The following NAV2 variants were observed in gnomAD, a reference collection of about 807,000 sequenced individuals.
NAV2 encodes the protein neuron navigator 2, also known as helicase, APC down-regulated 1.
In NAV2, 54 loss-of-function variants were observed where a neutral mutation model predicts 223.2. The observed-to-expected ratio is 0.24, with a 90% CI of 0.19 to 0.30. The LOEUF (loss-of-function observed/expected upper bound fraction) is 0.30. NAV2 is among the 10% of genes least tolerant of loss of function. NAV2 has a pLI of 1.00. For synonymous variants in NAV2, 1,279 were observed against 1,239.3 expected, an observed-to-expected ratio of 1.03 and a Z score of -0.67; for missense variants, 2,806 against 3,147.5, an observed-to-expected ratio of 0.89 and a Z score of 2.60.
chr11:19,868,698 A>G (rs1314432930), intron 3 of NAV2, among the ~76,000 whole-genome samples: 1 of 152,060 alleles, frequency 6.6e-6, no homozygotes, highest in Non-Finnish European at 1.5e-5. Context: ...CACCCTGGTT[A>G]TTTTTGGCGG....
At chr11:20,045,711 CAGGGAATGGATTT>C in intron 14 of NAV2, 41 bp downstream of exon 14, 2 of 1,483,602 alleles carry the variant, frequency 1.3e-6, no homozygotes, top group Non-Finnish European at 1.9e-6. Flanking sequence ...AACCAGAATA[CAGGGAATGGATTT>C]AGTAATTTCC....
chr11:19,932,027 A>G (rs1485853505), intron 6 of NAV2, among the ~76,000 whole-genome samples: 1 of 152,014 alleles, frequency 6.6e-6, no homozygotes, highest in Non-Finnish European at 1.5e-5. Flanking sequence ...TTTCTGTCAC[A>G]TTGGCCACCT....
At chr11:19,667,166 C>T (rs1000639252) in intron 1 of NAV2, among the ~76,000 whole-genome samples, 14 of 152,222 alleles carry the variant, frequency 9.2e-5, no homozygotes, top group Non-Finnish European at 1.8e-4. Context: ...GAGCCAGGGC[C>T]TTGCACAGAG....
rs576009311 is a variant in NAV2 at position 19,991,489 on chromosome 11, G to A, written c.2768+7242G>A. Among the ~76,000 whole-genome samples, 25 of 152,180 alleles carry A rather than the reference G, an allele frequency of 1.6e-4. No individual in the cohort carries two copies. In the East Asian group the frequency reaches 4.2e-3, roughly 26 times the overall value. On this transcript the variant is annotated intron_variant, in intron 11 of 37. Transcript: ENST00000349880. ...CTTAGGACAATCTAGGCTCTACCTCGTTGCAACTCACTTTTCTTTATATTT... is the reference window on the plus strand; with the variant it reads ...CTTAGGACAATCTAGGCTCTACCTCATTGCAACTCACTTTTCTTTATATTT...
At chr11:19,701,316 G>T (rs919222022) in intron 1 of NAV2, among the ~76,000 whole-genome samples, 4 of 152,172 alleles carry the variant, frequency 2.6e-5, no homozygotes, top group Non-Finnish European at 4.4e-5. Context: ...CATGGGAGGG[G>T]ATTCTAGAAG....
At chr11:19,741,685 G>GTATATATA (rs751946530) in intron 1 of NAV2, among the ~76,000 whole-genome samples, 1 of 131,858 alleles carries the variant, frequency 7.6e-6, no homozygotes, top group African/African-American at 3.2e-5. Context: ...ATGTGTGTGT[G>GTATATATA]TGTATATATA....
At position 19,713,875 on chromosome 11, in the gene NAV2, G is replaced by A. The variant is rs1425595409; in HGVS notation, c.180G>A (p.Ser60=). The stretch of plus-strand genomic sequence containing the variant: ...ATCCTAGCCAGATCCCCCTGAAATC[G>A]CAGGTGCTGCAGGGGCTGCAGGAGC... ...TTYPSQIPLK[S]QVLQGLQEPA... The change falls in exon 1 of 38, where the codon TCG becomes TCA. Residue 60 remains serine, a synonymous_variant. Transcript: ENST00000349880. The surrounding 1 kb of genome is among the most constrained non-coding windows in gnomAD (Gnocchi z 7.2). 4 of 1,613,658 alleles carry A rather than the reference G, an allele frequency of 2.5e-6. No homozygotes were observed. The highest frequency in any genetic ancestry group is 1.1e-5 in the South Asian group (1 of 91,074).
chr11:19,522,839 A>G (rs2043709099), intron 1 of NAV2, among the ~76,000 whole-genome samples: 1 of 152,218 alleles, frequency 6.6e-6, no homozygotes, highest in Non-Finnish European at 1.5e-5. Context: ...TGTCAACAGA[A>G]TCCTGATGGC....
intron 1 of NAV2, among the ~76,000 whole-genome samples, chr11:19,784,412 AAAAAG>A (rs1489893983): frequency 1.3e-5 from 2 of 149,588 alleles, no homozygotes; most frequent in East Asian, 3.9e-4. Context: ...AAAAAAAAAA[AAAAAG>A]AGGGGCTTTA....
chr11:19,615,426 C>A lies in NAV2; in HGVS notation c.76-217058C>A, dbSNP rs576641007. On this transcript the variant is annotated intron_variant, in intron 1 of 37. Transcript: ENST00000360655. ...AAGCCAAGTAAGTTATACGTAATGT[C>A]TTAGGCAATGTCTAACAGAGTGCCT... is the stretch of plus-strand genomic sequence containing the variant. 2.0e-5 allele frequency among the ~76,000 whole-genome samples: 3 copies of A among 152,064 alleles called. No homozygotes were observed. In the East Asian group the frequency reaches 5.8e-4, roughly 30 times the overall value.
intron 22 of NAV2, 70 bp downstream of exon 22, chr11:20,068,468 TC>T: frequency 1.7e-6 from 2 of 1,143,070 alleles, no homozygotes; most frequent in Non-Finnish European, 2.7e-6. Flanking sequence ...CAGCCTCAAG[TC>T]CTCCTGTGCT....
intron 1 of NAV2, among the ~76,000 whole-genome samples, chr11:19,543,689 C>T (rs1345009017): frequency 6.6e-6 from 1 of 152,224 alleles, no homozygotes; most frequent in Non-Finnish European, 1.5e-5. Flanking sequence ...TACCTCCCTT[C>T]ATAGGATCAT....
Position 19,873,036 on chromosome 11 carries a change from G to A in NAV2, c.511+4039G>A, listed in dbSNP as rs1417330008. ...AAAACTGCCCCTGTGAGGAAGGATG[G>A]CCTTTATTTCTGGCCATTTTGAGAA... On this transcript the variant is annotated intron_variant, in intron 4 of 37. Transcript: ENST00000349880. Among the ~76,000 whole-genome samples, 4 of 152,206 alleles carry A rather than the reference G, an allele frequency of 2.6e-5. No homozygotes were observed. In the East Asian group the frequency reaches 7.7e-4, roughly 29 times the overall value.
At chr11:19,912,540 A>C (rs1400080370) in intron 6 of NAV2, among the ~76,000 whole-genome samples, 1 of 152,252 alleles carries the variant, frequency 6.6e-6, no homozygotes, top group East Asian at 1.9e-4. Flanking sequence ...CTGGCACAAA[A>C]CAGAGATGCA....
chr11:19,494,596 A>G (rs923955487), intron 1 of NAV2, among the ~76,000 whole-genome samples: 1 of 152,214 alleles, frequency 6.6e-6, no homozygotes, highest in Non-Finnish European at 1.5e-5. Context: ...TGTGATCTAA[A>G]TGTAGACGTT....
At chr11:19,816,267 G>A (rs1795842677) in intron 1 of NAV2, among the ~76,000 whole-genome samples, 1 of 152,234 alleles carries the variant, frequency 6.6e-6, no homozygotes, top group Admixed American at 6.5e-5. Flanking sequence ...CATTCCTAGG[G>A]CCGGGCAGCG....
intron 1 of NAV2, chr11:19,575,489 G>T (rs2045546156): frequency 6.5e-6 from 1 of 153,534 alleles, no homozygotes; most frequent in East Asian, 1.9e-4. Context: ...CCTCTTCCTT[G>T]CTGTGCACAT....
At chr11:19,676,492 AAT>A (rs1048577872) in intron 1 of NAV2, among the ~76,000 whole-genome samples, 8 of 139,496 alleles carry the variant, frequency 5.7e-5, no homozygotes, top group Admixed American at 2.9e-4. Flanking sequence ...AAAAAAAAAA[AAT>A]TTTTAGAAAG....
At chr11:19,711,564 C>G (rs2049879091), upstream of NAV2, 1 of 152,258 alleles carries the variant, frequency 6.6e-6, no homozygotes, top group African/African-American at 2.4e-5. Context: ...ACGGGTTTAA[C>G]ATGAATTCCA....
Sources: allele counts gnomAD v4.1 joint callset (sites outside exome capture counted in the v4.1 genomes callset), GRCh38; gene constraint gnomAD v4.1.1; non-coding constraint Gnocchi (gnomAD v3.1); transcripts MANE v1.5; gene names NCBI Gene and HGNC (gene_info 2026-07-23, HGNC 2026-07-21).